NT5C3A: variants seen among roughly 807,000 people sequenced by gnomAD.
NT5C3A encodes the protein cytosolic 5'-nucleotidase 3A.
Under a neutral mutation model 40.0 loss-of-function variants are expected in NT5C3A, and 23 were observed. The ratio of observed to expected loss-of-function variants is 0.58; its 90% confidence interval spans 0.41 to 0.81. The LOEUF (loss-of-function observed/expected upper bound fraction) is 0.81. NT5C3A is among the 40% of genes least tolerant of loss of function. The pLI is 0.00. For synonymous variants in NT5C3A, 130 were observed against 141.4 expected (o/e 0.92, Z 0.57); for missense variants, 328 against 403.0 (o/e 0.81, Z 1.59).
Position 33,014,774 on chromosome 7 carries a change from C to G in NT5C3A, c.952G>C (p.Glu318Gln). 1.9e-6 allele frequency: 3 copies of G among 1,612,998 alleles called. No individual in the cohort carries two copies. Among genetic ancestry groups the G allele is most frequent in the Non-Finnish European group, 2.5e-6 (3 of 1,179,726 alleles). The change falls in exon 9 of 9, where the codon GAA becomes CAA. Residue 318 changes from glutamate to glutamine, a missense_variant. By Grantham distance (29) the Glu-to-Gln change is conservative. Around this residue, in one of 3 missense-constraint regions of NT5C3A, gnomAD observed 36 missense variants for 51.1 expected, o/e 0.70. Transcript: ENST00000610140. ...ATAGAGTTGGCTACTTCTAATGATT[C>G]ATCTTGTACTAAAACAATATCATAA... ...DSYDIVLVQDESLEVANSILQ... is the reference protein window; with the variant it reads ...DSYDIVLVQDQSLEVANSILQ...
chr7:33,017,216 C>A, intron 7 of NT5C3A: 13 of 464,734 alleles, frequency 2.8e-5, no homozygotes, highest in Admixed American at 3.9e-5. Context: ...AGTTTTACTA[C>A]TTTTATTATT....
chr7:33,036,242 T>C (rs1786597272), intron 1 of NT5C3A: 2 of 477,342 alleles, frequency 4.2e-6, no homozygotes, highest in Non-Finnish European at 7.6e-6. Context: ...CTATGTCCTT[T>C]GCATACTGAT....
intron 1 of NT5C3A, among the ~76,000 whole-genome samples, chr7:33,033,245 G>A (rs1786382607): frequency 6.6e-6 from 1 of 152,200 alleles, no homozygotes; most frequent in Admixed American, 6.5e-5. Flanking sequence ...GTAGGCACTA[G>A]AGTTTTTATC....
intron 2 of NT5C3A, among the ~76,000 whole-genome samples, chr7:33,024,953 A>G (rs937553177): frequency 1.3e-5 from 2 of 152,104 alleles, no homozygotes; most frequent in Non-Finnish European, 2.9e-5. Flanking sequence ...CAGCCTGGCC[A>G]AGATGGTAAA....
intron 3 of NT5C3A, among the ~76,000 whole-genome samples, chr7:33,022,641 C>G (rs138347109): frequency 1.3e-5 from 2 of 152,126 alleles, no homozygotes; most frequent in Non-Finnish European, 2.9e-5. Flanking sequence ...AGAGATCATA[C>G]CAAATCTGTA....
intron 1 of NT5C3A, among the ~76,000 whole-genome samples, chr7:33,031,904 C>A (rs556765560): frequency 1.4e-4 from 21 of 152,172 alleles, no homozygotes; most frequent in Non-Finnish European, 2.4e-4. Context: ...GCCAGTGGAT[C>A]ACCTAAGGTC....
At chr7:33,043,046 A>G (rs1368544755) in intron 1 of NT5C3A, among the ~76,000 whole-genome samples, 1 of 152,220 alleles carries the variant, frequency 6.6e-6, no homozygotes, top group Non-Finnish European at 1.5e-5. Flanking sequence ...ATACTTATAA[A>G]CAACCCTAGA....
chr7:33,031,097 CA>C lies in NT5C3A; in HGVS notation c.139-4183del, dbSNP rs760629819. Among the ~76,000 whole-genome samples the C allele has an allele frequency of 6.9e-3, 305 of 44,126 alleles. 1 individual carries two copies. Among genetic ancestry groups the C allele is most frequent in the African/African-American group, 0.031 (291 of 9,280 alleles). The allele number at this position is 44,126 out of a possible 152,430, so 28.9% of individuals were successfully genotyped here. ...CCTGGGCGACAGCGAGACTCTGCCT[CA>C]AAAAAAAACAAAAAAAAAAAAAAAG... is the stretch of plus-strand genomic sequence containing the variant. On this transcript the variant is annotated intron_variant, in intron 1 of 8. Coordinates refer to ENST00000610140, the MANE Select transcript of NT5C3A (RefSeq NM_001002010.5).
chr7:33,018,554 T>C (rs758722152), intron 6 of NT5C3A, among the ~76,000 whole-genome samples: 4 of 152,168 alleles, frequency 2.6e-5, no homozygotes, highest in Non-Finnish European at 5.9e-5. Flanking sequence ...ATAAACAGTA[T>C]TAAACAGGCT....
chr7:33,041,325 G>A (rs1273579613), intron 1 of NT5C3A, among the ~76,000 whole-genome samples: 1 of 152,110 alleles, frequency 6.6e-6, no homozygotes, highest in African/African-American at 2.4e-5. Flanking sequence ...AGGAGGATGG[G>A]GAATTATTGC....
chr7:33,058,710 T>C (rs1237805480), intron 1 of NT5C3A, among the ~76,000 whole-genome samples: 1 of 152,248 alleles, frequency 6.6e-6, no homozygotes, highest in Middle Eastern at 3.2e-3. Flanking sequence ...AAAAGGCATC[T>C]GTCCACATCT....
intron 4 of NT5C3A, 85 bp downstream of exon 4, chr7:33,021,968 A>T: frequency 1.3e-6 from 1 of 789,544 alleles, no homozygotes; most frequent in Non-Finnish European, 2.3e-6. Flanking sequence ...ATCCATTCTT[A>T]CTTCTGTGAA....
chr7:33,057,753 C>A (rs919593174), intron 1 of NT5C3A, among the ~76,000 whole-genome samples: 6 of 152,062 alleles, frequency 3.9e-5, no homozygotes, highest in African/African-American at 1.4e-4. Context: ...TAATAGTTGA[C>A]GTTAACAACA....
At position 33,014,579 on chromosome 7, in the gene NT5C3A, C is replaced by A. The variant is rs1274719844; in HGVS notation, c.*151G>T. The A allele has an allele frequency of 9.1e-7, 1 of 1,102,966 alleles. No individual in the cohort carries two copies. Among genetic ancestry groups the A allele is most frequent in the South Asian group, 1.3e-5 (1 of 75,202 alleles). The allele number at this position is 1,102,966 out of a possible 1,614,324, so 68.3% of individuals were successfully genotyped here. On this transcript the variant is annotated 3_prime_UTR_variant, in exon 9 of 9. Coordinates refer to ENST00000610140, the MANE Select transcript of NT5C3A (RefSeq NM_001002010.5). ...GAGGTGGAGAAAAGGAGCTTCCAGT[C>A]AATGCATTCACCATATCTGAAAATA...
chr7:33,062,707 G>A lies in NT5C3A; in HGVS notation c.-2C>T, dbSNP rs375992243. On this transcript the variant is annotated 5_prime_UTR_variant, in exon 1 of 9. Coordinates refer to ENST00000610140, the MANE Select transcript of NT5C3A (RefSeq NM_001002010.5). The stretch of plus-strand genomic sequence containing the variant: ...CCTCGCCACGGCCGCGCGGTCCATG[G>A]ACGGGGCCCTCATGCGCGTCCAAGC... The A allele has an allele frequency of 9.0e-6, 14 of 1,561,300 alleles. No individual in the cohort carries two copies. The African/African-American group carries it at 1.4e-4, about 15-fold the overall frequency.
intron 6 of NT5C3A, among the ~76,000 whole-genome samples, chr7:33,017,868 G>A (rs1785422770): frequency 6.6e-6 from 1 of 152,092 alleles, no homozygotes; most frequent in South Asian, 2.1e-4. Flanking sequence ...TAAACCTACA[G>A]TTCACAATTT....
chr7:33,056,898 G>A (rs555191200), intron 1 of NT5C3A, among the ~76,000 whole-genome samples: 44 of 152,046 alleles, frequency 2.9e-4, no homozygotes, highest in African/African-American at 9.4e-4. Context: ...TGCAACCTCC[G>A]CCTCCTGGAT....
chr7:33,056,870 G>A (rs1787591858), intron 1 of NT5C3A, among the ~76,000 whole-genome samples: 1 of 151,976 alleles, frequency 6.6e-6, no homozygotes, highest in Non-Finnish European at 1.5e-5. Flanking sequence ...GGCGTGCAAT[G>A]GTGTGATCTC....
chr7:33,060,173 G>C (rs887389492), intron 1 of NT5C3A, among the ~76,000 whole-genome samples: 2 of 152,080 alleles, frequency 1.3e-5, no homozygotes, highest in African/African-American at 4.8e-5. Flanking sequence ...GGCTGGTCTC[G>C]AACTCCTGGG....
Sources: allele counts gnomAD v4.1 joint callset (sites outside exome capture counted in the v4.1 genomes callset), GRCh38; gene constraint gnomAD v4.1.1; regional missense constraint gnomAD v4.1.1; transcripts MANE v1.5; gene names NCBI Gene and HGNC (gene_info 2026-07-23, HGNC 2026-07-21).